SAFB: variants seen among roughly 807,000 people sequenced by gnomAD.
The protein encoded by SAFB is scaffold attachment factor B1.
A neutral mutation model predicts 101.6 loss-of-function variants in SAFB; 15 were observed. The ratio of observed to expected loss-of-function variants is 0.15; its 90% CI spans 0.10 to 0.23. The LOEUF (loss-of-function observed/expected upper bound fraction) is 0.23, where lower values mean the gene tolerates loss of function less well. SAFB is among the 10% of genes least tolerant of loss of function. SAFB has a pLI of 1.00. For synonymous variants in SAFB, 449 were observed against 407.5 expected (o/e 1.10, Z -1.23); for missense variants, 930 against 1,104.1 (o/e 0.84, Z 2.23).
Position 5,623,288 on chromosome 19 carries a change from C to G in SAFB, c.83C>G (p.Thr28Arg), listed in dbSNP as rs145144595. The G allele has an allele frequency of 7.4e-5, 120 of 1,613,426 alleles. No homozygotes were observed. The highest frequency in any genetic ancestry group is 9.8e-5 in the Non-Finnish European group (116 of 1,179,768). Residue 28 changes from threonine (T) to arginine (R), a missense_variant, in exon 1 of 21, where the codon ACG (threonine) becomes AGG (arginine). By Grantham distance (71) the Thr-to-Arg change is moderately conservative. Around this residue, in one of 7 missense-constraint regions of SAFB, gnomAD observed 119 missense variants for 171.4 expected, o/e 0.69. Transcript: ENST00000588852. ...AGCTCCGCCTCGTCAGAGACCGGGA[C>G]GCGGCGCCTCAGCGACCTGCGAGTG... ...ALSSASSETG[T>R]RRLSDLRVID...
intron 8 of SAFB, among the ~76,000 whole-genome samples, chr19:5,650,561 G>A (rs1402385085): frequency 6.6e-6 from 1 of 152,072 alleles, no homozygotes; most frequent in South Asian, 2.1e-4. Context: ...ATAAGCGCCC[G>A]CCACCACACC....
intron 8 of SAFB, among the ~76,000 whole-genome samples, chr19:5,650,389 C>T (rs1368245122): frequency 6.6e-6 from 1 of 152,184 alleles, no homozygotes; most frequent in Non-Finnish European, 1.5e-5. Context: ...CCGTTGCACA[C>T]TGCACTTCCT....
chr19:5,647,461 A>G (rs1312737705), intron 5 of SAFB, among the ~76,000 whole-genome samples: 1 of 152,192 alleles, frequency 6.6e-6, no homozygotes, highest in Non-Finnish European at 1.5e-5. Context: ...CTTCCTGGGA[A>G]GAGTCTGAAT....
intron 1 of SAFB, among the ~76,000 whole-genome samples, chr19:5,623,623 C>T (rs1432569766): frequency 2.6e-5 from 4 of 152,172 alleles, no homozygotes; most frequent in African/African-American, 9.6e-5. Context: ...ACAAAAACGG[C>T]ACGCGTGCAG....
chr19:5,659,337 G>GA (rs1213471125), intron 14 of SAFB, among the ~76,000 whole-genome samples: 1 of 152,050 alleles, frequency 6.6e-6, no homozygotes, highest in African/African-American at 2.4e-5. Context: ...AGTTTAAAAG[G>GA]AGGGGGAGAG....
intron 16 of SAFB, 67 bp downstream of exon 16, chr19:5,664,226 A>G: frequency 1.9e-6 from 3 of 1,556,402 alleles, no homozygotes; most frequent in South Asian, 2.3e-5. Context: ...GAGAACAAGG[A>G]CTCCTGGGCT....
chr19:5,630,764 A>AG (rs2145403627), intron 2 of SAFB, among the ~76,000 whole-genome samples: 1 of 152,198 alleles, frequency 6.6e-6, no homozygotes, highest in South Asian at 2.1e-4. Context: ...CAAAAAAAAA[A>AG]AAAACTATAT....
chr19:5,633,668 A>C (rs938240603), intron 2 of SAFB, among the ~76,000 whole-genome samples: 4 of 151,856 alleles, frequency 2.6e-5, no homozygotes, highest in Non-Finnish European at 5.9e-5. Context: ...AGTCCCAGCT[A>C]CTCGGGAGGC....
chr19:5,637,160 C>T (rs531815605), intron 2 of SAFB, among the ~76,000 whole-genome samples: 150 of 150,316 alleles, frequency 1.0e-3, no homozygotes, highest in Admixed American at 8.5e-3. Context: ...CTGGCTAACA[C>T]GGTGAAACCC....
chr19:5,628,229 C>T (rs1394265703), intron 2 of SAFB, among the ~76,000 whole-genome samples: 2 of 152,058 alleles, frequency 1.3e-5, no homozygotes, highest in African/African-American at 2.4e-5. Flanking sequence ...CCAGCCTGGG[C>T]GACCGCAAGA....
At chr19:5,627,219 C>G (rs1349714086) in intron 2 of SAFB, among the ~76,000 whole-genome samples, 4 of 151,884 alleles carry the variant, frequency 2.6e-5, no homozygotes, top group Non-Finnish European at 5.9e-5. Flanking sequence ...GTGTCTCTCA[C>G]CTGTAATCCC....
chr19:5,627,474 C>G (rs551231014), intron 2 of SAFB, among the ~76,000 whole-genome samples: 4 of 152,148 alleles, frequency 2.6e-5, no homozygotes, highest in Non-Finnish European at 5.9e-5. Flanking sequence ...CCTGAGCCTC[C>G]TATTGCTTGG....
In SAFB at chr19:5,656,871, C is replaced by T. The variant is rs567533211; in HGVS notation, c.1756-370C>T. Among the ~76,000 whole-genome samples, 793 of 152,042 alleles carry T rather than the reference C, an allele frequency of 5.2e-3. 4 individuals carry two copies. Among genetic ancestry groups the T allele is most frequent in the African/African-American group, 0.018 (731 of 41,476 alleles). On this transcript the variant is annotated intron_variant, in intron 13 of 20. Coordinates refer to ENST00000588852, the MANE Select transcript of SAFB (RefSeq NM_001201338.2). The stretch of plus-strand genomic sequence containing the variant: ...CTGCAAGCTCTGCCTCCCGGGTTCA[C>T]GCCATTCTCCTGCTTCAGCCTCCCA...
chr19:5,652,177 C>CTTTTTTT (rs1382889931), intron 9 of SAFB, among the ~76,000 whole-genome samples: 4 of 151,164 alleles, frequency 2.6e-5, no homozygotes, highest in Non-Finnish European at 4.4e-5. Context: ...TGGGACAGAG[C>CTTTTTTT]AAGACTCCAT....
chr19:5,660,073 A>G (rs1227016559), intron 14 of SAFB, among the ~76,000 whole-genome samples: 2 of 152,190 alleles, frequency 1.3e-5, no homozygotes, highest in African/African-American at 4.8e-5. Context: ...CCAGAACACT[A>G]TGAGGCAAGA....
chr19:5,663,984 G>T, intron 15 of SAFB, 38 bp from the exon 16 acceptor site: 1 of 1,603,108 alleles, frequency 6.2e-7, no homozygotes, highest in Non-Finnish European at 8.5e-7. Context: ...CATTTGGGGT[G>T]GGGGATCCCT....
In SAFB at chr19:5,664,014, C is replaced by T. The variant is rs1182766799; in HGVS notation, c.2154-8C>T. ...ATCCCTCTATCTCTGTCTCATGTCC[C>T]CTCACAGGCGAGATGATGCCTATTG... On this transcript the variant is annotated splice_polypyrimidine_tract_variant and splice_region_variant and intron_variant, in intron 15 of 20. Transcript: ENST00000588852. 2.5e-6 allele frequency: 4 copies of T among 1,613,180 alleles called. No individual in the cohort carries two copies. The highest frequency in any genetic ancestry group is 1.7e-5 in the Admixed American group (1 of 59,888).
At chr19:5,650,368 C>A (rs1039401529) in intron 8 of SAFB, among the ~76,000 whole-genome samples, 1 of 152,198 alleles carries the variant, frequency 6.6e-6, no homozygotes, top group Non-Finnish European at 1.5e-5. Context: ...GTTGACTGTT[C>A]TGCTACATGG....
At chr19:5,663,609 G>A (rs368631112) in intron 15 of SAFB, among the ~76,000 whole-genome samples, 4 of 151,346 alleles carry the variant, frequency 2.6e-5, no homozygotes, top group East Asian at 1.9e-4. Context: ...TATTGCAGCA[G>A]TACATGGCCA....
Sources: allele counts gnomAD v4.1 joint callset (sites outside exome capture counted in the v4.1 genomes callset), GRCh38; gene constraint gnomAD v4.1.1; regional missense constraint gnomAD v4.1.1; transcripts MANE v1.5; gene names NCBI Gene and HGNC (gene_info 2026-07-23, HGNC 2026-07-21).